Variants in IQGAP2 observed in about 807,000 individuals in gnomAD.
IQGAP2 encodes the protein IQ motif containing GTPase activating protein 2.
In IQGAP2, 173 loss-of-function variants were observed where a neutral mutation model predicts 201.3. The ratio of observed to expected loss-of-function variants is 0.86; its 90% CI spans 0.76 to 0.98. The LOEUF (loss-of-function observed/expected upper bound fraction) is 0.98, where lower values mean the gene tolerates loss of function less well. Ranked by LOEUF, IQGAP2 falls within the 50% of genes least tolerant of loss-of-function variation. The pLI is 0.00. For missense variants in IQGAP2, 1,687 were observed against 1,864.8 expected (o/e 0.90, Z 1.76); for synonymous variants, 675 against 673.9 (o/e 1.00, Z -0.03).
At chr5:76,408,539 TA>T (rs1750921656) in intron 1 of IQGAP2, among the ~76,000 whole-genome samples, 1 of 152,182 alleles carries the variant, frequency 6.6e-6, no homozygotes, top group Admixed American at 6.5e-5. Context: ...CCCTGAATCA[TA>T]AATGTTCACC....
chr5:76,658,408 T>TCAACAGGA, intron 20 of IQGAP2, 51 bp from the exon 21 acceptor site: 1 of 1,394,004 alleles, frequency 7.2e-7, no homozygotes. Flanking sequence ...TTCCTGTTGA[T>TCAACAGGA]AATCATTCCA....
chr5:76,523,626 A>G (rs1039491862), intron 2 of IQGAP2, among the ~76,000 whole-genome samples: 1 of 152,208 alleles, frequency 6.6e-6, no homozygotes, highest in Non-Finnish European at 1.5e-5. Context: ...CCAATCAGCT[A>G]TGCAGTAAGA....
chr5:76,476,194 G>C (rs1755414328), intron 2 of IQGAP2, among the ~76,000 whole-genome samples: 1 of 152,084 alleles, frequency 6.6e-6, no homozygotes, highest in Non-Finnish European at 1.5e-5. Context: ...TGTTACCAAG[G>C]TCATCCACCT....
intron 1 of IQGAP2, among the ~76,000 whole-genome samples, chr5:76,448,088 A>C (rs1753510403): frequency 6.6e-6 from 1 of 152,194 alleles, no homozygotes; most frequent in African/African-American, 2.4e-5. Flanking sequence ...TCCTAAGGGT[A>C]GCGTGGCTGG....
chr5:76,695,125 A>G (rs915350152), intron 31 of IQGAP2, among the ~76,000 whole-genome samples: 1 of 152,186 alleles, frequency 6.6e-6, no homozygotes, highest in Non-Finnish European at 1.5e-5. Flanking sequence ...TAGTTTCCTC[A>G]GCTAGCCTAT....
At chr5:76,623,151 T>A (rs941502356) in intron 13 of IQGAP2, 1 of 1,613,582 alleles carries the variant, frequency 6.2e-7, no homozygotes, top group South Asian at 1.1e-5. Flanking sequence ...TCCTACCCCC[T>A]GAGAAAATTG....
At chr5:76,682,096 A>G (rs1469290278) in intron 28 of IQGAP2, among the ~76,000 whole-genome samples, 1 of 152,202 alleles carries the variant, frequency 6.6e-6, no homozygotes, top group Non-Finnish European at 1.5e-5. Context: ...GGTACCCGGT[A>G]TCTTTTAGGG....
chr5:76,623,183 G>A (rs757378637), intron 13 of IQGAP2: 1 of 1,614,136 alleles, frequency 6.2e-7, no homozygotes, highest in South Asian at 1.1e-5. Flanking sequence ...GACAAAAAGT[G>A]GGCAACAGAA....
chr5:76,638,876 T>C (rs1751350189), intron 16 of IQGAP2, among the ~76,000 whole-genome samples: 1 of 152,186 alleles, frequency 6.6e-6, no homozygotes, highest in South Asian at 2.1e-4. Flanking sequence ...GTGAGGTGGT[T>C]CTTTGCTTTG....
At chr5:76,673,913 T>C (rs774651287) in intron 25 of IQGAP2, 39 bp from the exon 26 acceptor site, 1 of 1,226,946 alleles carries the variant, frequency 8.2e-7, no homozygotes, top group African/African-American at 1.5e-5. Flanking sequence ...ACTCCGCCTT[T>C]TTTCCATTAT....
At chr5:76,500,430 A>C (rs964364697) in intron 2 of IQGAP2, among the ~76,000 whole-genome samples, 1 of 152,252 alleles carries the variant, frequency 6.6e-6, no homozygotes, top group African/African-American at 2.4e-5. Context: ...CATAAAAAAT[A>C]AATTCCATTT....
intron 2 of IQGAP2, among the ~76,000 whole-genome samples, chr5:76,492,880 T>G (rs1420358290): frequency 6.6e-6 from 1 of 152,110 alleles, no homozygotes; most frequent in Non-Finnish European, 1.5e-5. Context: ...ATCACCTTAG[T>G]TGTCACGTTT....
intron 28 of IQGAP2, among the ~76,000 whole-genome samples, chr5:76,681,160 A>G (rs253165): frequency 1 from 149,005 of 149,068 alleles, 74,471 homozygotes; most frequent in Middle Eastern, 1. Flanking sequence ...TGTAAATAAT[A>G]TGTTTGATTG....
intron 2 of IQGAP2, among the ~76,000 whole-genome samples, chr5:76,530,178 A>T (rs145502395): frequency 6.6e-6 from 1 of 152,210 alleles, no homozygotes; most frequent in Non-Finnish European, 1.5e-5. Flanking sequence ...ATAAAACTTT[A>T]TAGAAAATGA....
intron 33 of IQGAP2, among the ~76,000 whole-genome samples, chr5:76,700,757 C>CAGTT (rs1271925184): frequency 6.6e-6 from 1 of 152,122 alleles, no homozygotes; most frequent in Non-Finnish European, 1.5e-5. Context: ...TGTTATTGCA[C>CAGTT]CAAAGCTACT....
chr5:76,524,160 T>G (rs941034500), intron 2 of IQGAP2, among the ~76,000 whole-genome samples: 1 of 152,200 alleles, frequency 6.6e-6, no homozygotes, highest in Admixed American at 6.5e-5. Context: ...AATTGACCTG[T>G]GTAGCAGAAT....
chr5:76,446,723 G>A (rs1426495746), intron 1 of IQGAP2, among the ~76,000 whole-genome samples: 1 of 152,186 alleles, frequency 6.6e-6, no homozygotes, highest in African/African-American at 2.4e-5. Context: ...ACTGCAGTGT[G>A]TAAAAAATGG....
intron 2 of IQGAP2, among the ~76,000 whole-genome samples, chr5:76,472,240 G>A (rs994794787): frequency 4.6e-5 from 7 of 152,234 alleles, no homozygotes; most frequent in Non-Finnish European, 1.0e-4. Context: ...CTTGTGAGGA[G>A]CCCAGACTTG....
chr5:76,582,591 C>A (rs1049363668), intron 5 of IQGAP2, among the ~76,000 whole-genome samples: 5 of 152,184 alleles, frequency 3.3e-5, no homozygotes, highest in Non-Finnish European at 5.9e-5. Context: ...TCCAAGAAAG[C>A]TGAAATAAAT....
Sources: gnomAD v4.1 joint callset for allele counts (sites outside exome capture counted in the v4.1 genomes callset) on GRCh38, gnomAD v4.1.1 for gene constraint, MANE v1.5 for transcripts, NCBI Gene and HGNC (gene_info 2026-07-23, HGNC 2026-07-21) for gene names.